RPH3A: variants seen among roughly 807,000 people sequenced by gnomAD.
The protein encoded by RPH3A is rabphilin 3A.
RPH3A carries 48 observed loss-of-function variants against 102.2 expected under a neutral mutation model. The observed-to-expected ratio is 0.47, with a 90% CI of 0.37 to 0.60. The LOEUF is 0.60. RPH3A is among the 20% of genes least tolerant of loss of function. The pLI is 0.00. For missense variants in RPH3A, 781 were observed against 910.1 expected, an observed-to-expected ratio of 0.86 and a Z score of 1.83; for synonymous variants, 310 against 324.3, an observed-to-expected ratio of 0.96 and a Z score of 0.47.
At chr12:112,680,354 G>A (rs542066645) in intron 1 of RPH3A, among the ~76,000 whole-genome samples, 10 of 152,158 alleles carry the variant, frequency 6.6e-5, no homozygotes, top group Non-Finnish European at 1.5e-4. Flanking sequence ...GCTATAAATA[G>A]CAGTGGCAGC....
At chr12:112,782,331 A>G (rs2041015540) in intron 1 of RPH3A, among the ~76,000 whole-genome samples, 1 of 152,232 alleles carries the variant, frequency 6.6e-6, no homozygotes, top group African/African-American at 2.4e-5. Context: ...CTGAATGTAA[A>G]GAACTTAGCT....
chr12:112,642,458 A>T (rs2039897380), intron 1 of RPH3A, among the ~76,000 whole-genome samples: 1 of 152,218 alleles, frequency 6.6e-6, no homozygotes, highest in South Asian at 2.1e-4. Context: ...ATCTTTGGAG[A>T]CACACTTACA....
chr12:112,863,957 C>G (rs988492915), intron 5 of RPH3A, among the ~76,000 whole-genome samples: 24 of 152,246 alleles, frequency 1.6e-4, no homozygotes, highest in African/African-American at 5.8e-4. Flanking sequence ...CAGCAGGGAA[C>G]AGAACAGACA....
intron 1 of RPH3A, among the ~76,000 whole-genome samples, chr12:112,733,826 T>G (rs1298892336): frequency 6.6e-6 from 1 of 152,214 alleles, no homozygotes; most frequent in Non-Finnish European, 1.5e-5. Flanking sequence ...GGATGACTTT[T>G]CCTTTCCTTC....
At chr12:112,789,574 A>G (rs912166081), upstream of RPH3A, among the ~76,000 whole-genome samples, 5 of 152,170 alleles carry the variant, frequency 3.3e-5, no homozygotes, top group Non-Finnish European at 5.9e-5. Context: ...TGGGAATAAT[A>G]CTAGTGTCCT....
chr12:112,882,328 G>C (rs1565941541), intron 15 of RPH3A, among the ~76,000 whole-genome samples: 1 of 151,984 alleles, frequency 6.6e-6, no homozygotes, highest in African/African-American at 2.4e-5. Context: ...GCTGAGCATT[G>C]CTTTACTCTG....
At chr12:112,867,586 C>T (rs1259511865) in intron 7 of RPH3A, among the ~76,000 whole-genome samples, 1 of 152,100 alleles carries the variant, frequency 6.6e-6, no homozygotes, top group East Asian at 1.9e-4. Context: ...CACCCTAGCA[C>T]CAGCAAAAAC....
intron 10 of RPH3A, chr12:112,873,808 T>C (rs2042746925): frequency 6.6e-6 from 1 of 152,204 alleles, no homozygotes. Flanking sequence ...TCAATGACTG[T>C]TGGGTATTGT....
intron 1 of RPH3A, among the ~76,000 whole-genome samples, chr12:112,640,368 C>T (rs1216734200): frequency 3.0e-5 from 2 of 66,374 alleles, no homozygotes; most frequent in Non-Finnish European, 5.9e-5. Context: ...AAAAAAAAAG[C>T]AGCAGGGCTC....
chr12:112,645,011 G>T (rs1304704100), intron 1 of RPH3A, among the ~76,000 whole-genome samples: 3 of 152,158 alleles, frequency 2.0e-5, no homozygotes, highest in African/African-American at 7.2e-5. Flanking sequence ...CATTTTATAT[G>T]CCAGAGACGA....
intron 1 of RPH3A, among the ~76,000 whole-genome samples, chr12:112,675,634 A>C (rs981292468): frequency 6.6e-6 from 1 of 152,072 alleles, no homozygotes; most frequent in East Asian, 1.9e-4. Flanking sequence ...AAGAGGGCAA[A>C]AGTTTGTTTG....
intron 1 of RPH3A, among the ~76,000 whole-genome samples, chr12:112,664,340 G>T (rs2040070181): frequency 6.6e-6 from 1 of 152,126 alleles, no homozygotes; most frequent in African/African-American, 2.4e-5. Context: ...GGGGATTTAA[G>T]CAGGAGGTAA....
At chr12:112,790,638 G>A (rs1158898721), upstream of RPH3A, among the ~76,000 whole-genome samples, 2 of 152,188 alleles carry the variant, frequency 1.3e-5, no homozygotes, top group African/African-American at 4.8e-5. Context: ...TGGAGCACTG[G>A]GAGCCATGGG....
chr12:112,707,282 C>A (rs1053696362), intron 1 of RPH3A, among the ~76,000 whole-genome samples: 7 of 152,210 alleles, frequency 4.6e-5, no homozygotes, highest in African/African-American at 1.7e-4. Flanking sequence ...ACTGCTTTAT[C>A]TTCCTCCTGT....
At chr12:112,577,654 A>G (rs1199186359) in intron 1 of RPH3A, among the ~76,000 whole-genome samples, 1 of 151,488 alleles carries the variant, frequency 6.6e-6, no homozygotes, top group African/African-American at 2.4e-5. Context: ...CCCAGCCCCT[A>G]TTCAAGATGG....
intron 5 of RPH3A, among the ~76,000 whole-genome samples, chr12:112,858,753 A>T (rs960135657): frequency 6.6e-6 from 1 of 152,242 alleles, no homozygotes; most frequent in Non-Finnish European, 1.5e-5. Flanking sequence ...TGAATAGCCC[A>T]TCTGCCTCCA....
At chr12:112,710,327 AC>A (rs1951212030) in intron 1 of RPH3A, among the ~76,000 whole-genome samples, 1 of 151,716 alleles carries the variant, frequency 6.6e-6, no homozygotes. Flanking sequence ...ACATCCCAGA[AC>A]CCCGTTCTTC....
intron 1 of RPH3A, among the ~76,000 whole-genome samples, chr12:112,612,590 G>A (rs530341163): frequency 7.0e-5 from 10 of 143,236 alleles, no homozygotes; most frequent in Non-Finnish European, 1.2e-4. Flanking sequence ...TTTGAGACAG[G>A]GTCTCACTCT....
At chr12:112,720,161 C>A (rs1390068464) in intron 1 of RPH3A, among the ~76,000 whole-genome samples, 2 of 152,150 alleles carry the variant, frequency 1.3e-5, no homozygotes, top group African/African-American at 4.8e-5. Flanking sequence ...GCAGTGAGAC[C>A]CTTGTGTGTG....
Sources: gnomAD v4.1 joint callset for allele counts (sites outside exome capture counted in the v4.1 genomes callset) on GRCh38, gnomAD v4.1.1 for gene constraint, MANE v1.5 for transcripts, NCBI Gene and HGNC (gene_info 2026-07-23, HGNC 2026-07-21) for gene names.